CNGB1: variants seen among roughly 807,000 people sequenced by gnomAD.
CNGB1 encodes the protein cyclic nucleotide gated channel subunit beta 1, also known as cyclic nucleotide-gated channel beta-1.
Under a neutral mutation model 151.7 loss-of-function variants are expected in CNGB1, and 126 were observed. The ratio of observed to expected loss-of-function variants is 0.83; its 90% CI spans 0.72 to 0.96. The LOEUF (loss-of-function observed/expected upper bound fraction) is 0.96, where lower values mean the gene tolerates loss of function less well. Ranked by LOEUF, CNGB1 falls within the 40% of genes least tolerant of loss-of-function variation. CNGB1 has a pLI of 0.00. For synonymous variants in CNGB1, 623 were observed against 635.1 expected, an observed-to-expected ratio of 0.98 and a Z score of 0.29; for missense variants, 1,698 against 1,627.0, an observed-to-expected ratio of 1.04 and a Z score of -0.75.
In CNGB1 at chr16:57,921,733, C is replaced by T. The variant is rs1961041700; in HGVS notation, c.1644-1189G>A. Among the ~76,000 whole-genome samples, 3 of 152,276 alleles carry T rather than the reference C, an allele frequency of 2.0e-5. No homozygotes were observed. The South Asian group carries it at 6.2e-4, about 32-fold the overall frequency. On this transcript the variant is annotated intron_variant, in intron 18 of 32. Coordinates refer to ENST00000251102, the MANE Select transcript of CNGB1 (RefSeq NM_001297.5). ...TACTGAAGACAGGCCTGGAGTTCTC[C>T]CTTTCTAGTGGTGACCAGTGGGACA...
intron 29 of CNGB1, among the ~76,000 whole-genome samples, 171 bp downstream of exon 29, chr16:57,901,181 T>C (rs190319): frequency 0.85 from 130,042 of 152,132 alleles, 55,805 homozygotes; most frequent in East Asian, 0.99. Context: ...CCTAATCCGC[T>C]CCTGCTCTTG....
intron 6 of CNGB1, 39 bp from the exon 7 acceptor site, chr16:57,962,649 G>T (rs536094841): frequency 6.2e-7 from 1 of 1,609,420 alleles, no homozygotes; most frequent in Non-Finnish European, 8.5e-7. Context: ...GTCAGCAGCG[G>T]GAGACCTGCC....
At chr16:57,926,850 G>A (rs144538937) in intron 17 of CNGB1, among the ~76,000 whole-genome samples, 2 of 152,266 alleles carry the variant, frequency 1.3e-5, no homozygotes, top group African/African-American at 4.8e-5. Flanking sequence ...TATGGTGGCA[G>A]GCACCTATAA....
chr16:57,932,262 C>T lies in CNGB1; in HGVS notation c.1373-384G>A, dbSNP rs145775776. 3.8e-3 allele frequency among the ~76,000 whole-genome samples: 582 copies of T among 152,328 alleles called. 3 individuals carry two copies. Among genetic ancestry groups the T allele is most frequent in the Middle Eastern group, 0.01 (3 of 294 alleles). ...GGACACAGGAGAGCCAGAGTCCTGG[C>T]GCCTGGCCTAGCACAGCCTGAGTCA... On this transcript the variant is annotated intron_variant, in intron 16 of 32. Coordinates refer to ENST00000251102, the MANE Select transcript of CNGB1 (RefSeq NM_001297.5).
intron 14 of CNGB1, among the ~76,000 whole-genome samples, chr16:57,947,004 C>T (rs553352078): frequency 1.3e-5 from 2 of 152,340 alleles, no homozygotes; most frequent in South Asian, 4.1e-4. Flanking sequence ...TGTGTGCACA[C>T]ACATGTATGA....
chr16:57,940,401 C>T lies in CNGB1; in HGVS notation c.1122-80G>A, dbSNP rs549522987. ...GTTTCCCCAGCCCTGCTGAGGGCCA[C>T]GCTCTGTGCCAGGAGCGGAGGGTAC... On this transcript the variant is annotated intron_variant, in intron 14 of 32. Coordinates refer to ENST00000251102, the MANE Select transcript of CNGB1 (RefSeq NM_001297.5). The T allele has an allele frequency of 1.7e-4, 240 of 1,377,504 alleles. No individual in the cohort carries two copies. In the African/African-American group the frequency reaches 2.7e-3, roughly 16 times the overall value. The allele number at this position is 1,377,504 out of a possible 1,614,324, so 85.3% of individuals were successfully genotyped here. A position where few individuals can be genotyped will look rare whatever the true frequency, so the allele number is the denominator to read the frequency against.
chr16:57,966,954 A>G (rs1007361246), intron 2 of CNGB1, among the ~76,000 whole-genome samples, 174 bp downstream of exon 2: 1 of 152,142 alleles, frequency 6.6e-6, no homozygotes, highest in Non-Finnish European at 1.5e-5. Flanking sequence ...AGCCCTACCC[A>G]CTGTCTGAAC....
intron 1 of CNGB1, among the ~76,000 whole-genome samples, chr16:57,968,284 G>A (rs1162047451): frequency 6.6e-6 from 1 of 152,188 alleles, no homozygotes; most frequent in Non-Finnish European, 1.5e-5. Context: ...GATCACTTGT[G>A]GTCAGGAGAT....
At chr16:57,933,428 T>C (rs1961411323) in intron 16 of CNGB1, among the ~76,000 whole-genome samples, 1 of 152,188 alleles carries the variant, frequency 6.6e-6, no homozygotes, top group Non-Finnish European at 1.5e-5. Flanking sequence ...GTGTCCCACA[T>C]TCTGAGAATC....
rs775102648 is a variant in CNGB1, at chr16:57,919,146, C to G, written c.1910G>C (p.Arg637Pro). The G allele has an allele frequency of 6.2e-7, 1 of 1,614,156 alleles. No homozygotes were observed. Among genetic ancestry groups the G allele is most frequent in the East Asian group, 2.2e-5 (1 of 44,882 alleles). The change falls in exon 20 of 33, where the codon CGC becomes CCC. Residue 637 changes from arginine (R) to proline (P), a missense_variant. Coordinates refer to ENST00000251102, the MANE Select transcript of CNGB1 (RefSeq NM_001297.5). ...GGGAAACTGGTACTTCTTCCAGGGG[C>G]GGTGTTTGAACTTGCAGCAGAGCAT... is the stretch of plus-strand genomic sequence containing the variant. ...CDMLCCKFKHRPWKKYQFPQS... is the reference protein window; with the variant it reads ...CDMLCCKFKHPPWKKYQFPQS...
intron 20 of CNGB1, 104 bp downstream of exon 20, chr16:57,918,995 C>T: frequency 6.4e-7 from 1 of 1,573,034 alleles, no homozygotes; most frequent in Non-Finnish European, 8.7e-7. Context: ...TTGTCTGTGG[C>T]CTCCCATCCC....
chr16:57,897,755 C>T (rs760708332), intron 30 of CNGB1, 41 bp downstream of exon 30: 1 of 1,602,656 alleles, frequency 6.2e-7, no homozygotes, highest in African/African-American at 1.3e-5. Flanking sequence ...CTTTCCCAGC[C>T]CTTGCCCCAG....
At chr16:57,928,647 T>G (rs385883) in intron 17 of CNGB1, among the ~76,000 whole-genome samples, 32,740 of 152,056 alleles carry the variant, frequency 0.22, 4,185 homozygotes, top group East Asian at 0.46. Context: ...ATTATCTTTT[T>G]TTTTTCTTCA....
intron 32 of CNGB1, among the ~76,000 whole-genome samples, chr16:57,887,583 G>A (rs1185038720): frequency 6.6e-6 from 1 of 152,020 alleles, no homozygotes; most frequent in African/African-American, 2.4e-5. Context: ...AAGCAGAGAT[G>A]ACACGATGGG....
At chr16:57,897,608 C>A in intron 30 of CNGB1, 65 bp from the exon 31 acceptor site, 2 of 1,610,260 alleles carry the variant, frequency 1.2e-6, no homozygotes, top group Non-Finnish European at 1.7e-6. Context: ...TTCAGATCTT[C>A]ATTTCCCATG....
rs756482474 is a variant in CNGB1 at position 57,897,906 on chromosome 16, G to A, written c.2985C>T (p.Ile995=). Residue 995 remains isoleucine, a synonymous_variant, in exon 30 of 33, where the codon ATC becomes ATT. Transcript: ENST00000251102. ...PNDYVCKKGE[I]GREMYIIQAG... The stretch of plus-strand genomic sequence containing the variant: ...CCTGGATGATGTACATCTCACGGCC[G>A]ATCTCCCCCTGAAACAAAGAAGTGA... 10 of 1,614,130 alleles carry A rather than the reference G, an allele frequency of 6.2e-6. No homozygotes were observed. The highest frequency in any genetic ancestry group is 3.3e-5 in the South Asian group (3 of 91,082).
chr16:57,895,143 A>G (rs1347005858), intron 31 of CNGB1, among the ~76,000 whole-genome samples: 1 of 152,136 alleles, frequency 6.6e-6, no homozygotes, highest in Non-Finnish European at 1.5e-5. Flanking sequence ...AGAATATTAG[A>G]ATGAATTCTA....
At chr16:57,894,790 A>G (rs1417323050) in intron 31 of CNGB1, among the ~76,000 whole-genome samples, 1 of 152,184 alleles carries the variant, frequency 6.6e-6, no homozygotes, top group Non-Finnish European at 1.5e-5. Context: ...CTTCAGGAAC[A>G]TGTTAATGTT....
At chr16:57,898,740 A>ACTTATC (rs1164950132) in intron 29 of CNGB1, among the ~76,000 whole-genome samples, 1 of 152,116 alleles carries the variant, frequency 6.6e-6, no homozygotes, top group Non-Finnish European at 1.5e-5. Context: ...GCAGTGTACT[A>ACTTATC]CTTATCCTCA....
Sources: gnomAD v4.1 joint callset for allele counts (sites outside exome capture counted in the v4.1 genomes callset) on GRCh38, gnomAD v4.1.1 for gene constraint, MANE v1.5 for transcripts, NCBI Gene and HGNC (gene_info 2026-07-23, HGNC 2026-07-21) for gene names.